Variants in AOAH observed in about 807,000 individuals in gnomAD.
AOAH encodes the protein acyloxyacyl hydrolase.
AOAH carries 64 observed loss-of-function variants against 92.2 expected under a neutral mutation model. That is an observed-to-expected ratio of 0.69 (90% CI 0.57 to 0.86). The LOEUF (loss-of-function observed/expected upper bound fraction) is 0.86, where lower values mean the gene tolerates loss of function less well. AOAH is among the 40% of genes least tolerant of loss of function. The pLI is 0.00. For missense variants in AOAH, 656 were observed against 694.6 expected (o/e 0.94, Z 0.62); for synonymous variants, 263 against 254.5 (o/e 1.03, Z -0.32).
At chr7:36,619,269 T>G (rs1583960635) in intron 9 of AOAH, among the ~76,000 whole-genome samples, 1 of 152,264 alleles carries the variant, frequency 6.6e-6, no homozygotes, top group East Asian at 1.9e-4. Context: ...GATGTTGTGG[T>G]TCTGTGAGTG....
intron 6 of AOAH, among the ~76,000 whole-genome samples, chr7:36,628,029 G>A (rs1792799290): frequency 6.6e-6 from 1 of 152,110 alleles, no homozygotes; most frequent in Non-Finnish European, 1.5e-5. Context: ...GTATGTGGGT[G>A]GATGTGTTAT....
intron 16 of AOAH, among the ~76,000 whole-genome samples, chr7:36,538,026 G>C (rs1303525123): frequency 1.4e-5 from 1 of 72,690 alleles, no homozygotes; most frequent in South Asian, 4.1e-4. Context: ...TTTTTTTTTT[G>C]GACAGAGTTT....
intron 20 of AOAH, among the ~76,000 whole-genome samples, chr7:36,521,179 G>T (rs1784089030): frequency 6.6e-6 from 1 of 152,114 alleles, no homozygotes; most frequent in African/African-American, 2.4e-5. Context: ...TGCTCCTCAG[G>T]TTTGTACCCT....
rs1799842514 is a variant in AOAH at position 36,724,347 on chromosome 7, C to T, written c.-199G>A. On this transcript the variant is annotated 5_prime_UTR_variant, in exon 1 of 21. Coordinates refer to ENST00000617537, the MANE Select transcript of AOAH (RefSeq NM_001637.4). ...AAAGCACACATAAACACTCACAGAC[C>T]CACAGCTTGCTCTTGTTGGACCCTG... 2.1e-6 allele frequency: 1 copy of T among 480,594 alleles called. No individual in the cohort carries two copies. Among genetic ancestry groups the T allele is most frequent in the Non-Finnish European group, 3.7e-6 (1 of 269,450 alleles). The allele number at this position is 480,594 out of a possible 1,614,324, so 29.8% of individuals were successfully genotyped here. A position where few individuals can be genotyped will look rare whatever the true frequency, so the allele number is the denominator to read the frequency against.
chr7:36,531,886 G>A (rs1459704136), intron 18 of AOAH, among the ~76,000 whole-genome samples: 1 of 152,024 alleles, frequency 6.6e-6, no homozygotes, highest in Non-Finnish European at 1.5e-5. Context: ...GCACAGGGGA[G>A]GGTGTGTACA....
intron 4 of AOAH, among the ~76,000 whole-genome samples, chr7:36,657,473 A>G (rs1794959048): frequency 6.6e-6 from 1 of 152,152 alleles, no homozygotes. Flanking sequence ...GTCAGTTACT[A>G]CTATTCAGGG....
intron 15 of AOAH, 95 bp from the exon 16 acceptor site, chr7:36,540,586 GCA>G (rs150931610): frequency 0.01 from 9,968 of 976,384 alleles, 2 homozygotes; most frequent in East Asian, 0.011. Flanking sequence ...ACACACATAC[GCA>G]CACACACACA....
intron 12 of AOAH, 147 bp downstream of exon 12, chr7:36,594,192 C>A: frequency 6.0e-6 from 4 of 666,800 alleles, no homozygotes; most frequent in Non-Finnish European, 5.4e-6. Flanking sequence ...TGCATTACAT[C>A]CTACTGTATG....
chr7:36,605,765 A>G (rs567003403), intron 11 of AOAH, among the ~76,000 whole-genome samples: 1 of 152,254 alleles, frequency 6.6e-6, no homozygotes, highest in South Asian at 2.1e-4. Flanking sequence ...TTGAGTAGGG[A>G]GAGAAGGGCA....
intron 1 of AOAH, among the ~76,000 whole-genome samples, chr7:36,710,590 T>C (rs190560253): frequency 1.2e-4 from 19 of 152,356 alleles, no homozygotes; most frequent in African/African-American, 3.1e-4. Flanking sequence ...GTGCAGAAAC[T>C]GTGAGGTAAT....
chr7:36,591,342 T>A (rs1789728880), intron 12 of AOAH, among the ~76,000 whole-genome samples: 1 of 152,178 alleles, frequency 6.6e-6, no homozygotes, highest in South Asian at 2.1e-4. Context: ...ACTAAGGAAG[T>A]TGCTTAAGCA....
intron 20 of AOAH, among the ~76,000 whole-genome samples, chr7:36,515,707 C>G (rs1783625096): frequency 7.5e-6 from 1 of 133,888 alleles, no homozygotes. Flanking sequence ...TCACACACCC[C>G]CCCACACACC....
chr7:36,661,599 A>G (rs1795217540), intron 3 of AOAH, among the ~76,000 whole-genome samples: 1 of 152,114 alleles, frequency 6.6e-6, no homozygotes, highest in African/African-American at 2.4e-5. Context: ...TACCTCTACA[A>G]TCACTGCAAT....
At chr7:36,669,377 CTTTTTTTTTT>C (rs33911092) in intron 3 of AOAH, among the ~76,000 whole-genome samples, 3 of 125,528 alleles carry the variant, frequency 2.4e-5, no homozygotes, top group African/African-American at 9.2e-5. Flanking sequence ...CCCCCCCCAC[CTTTTTTTTTT>C]TTTTTTTTTA....
intron 1 of AOAH, among the ~76,000 whole-genome samples, chr7:36,700,214 G>A (rs1165058374): frequency 1.3e-5 from 2 of 151,924 alleles, no homozygotes; most frequent in Non-Finnish European, 2.9e-5. Flanking sequence ...GGGTATAAGT[G>A]CAGTTTTATT....
chr7:36,518,869 G>A (rs1055093658), intron 20 of AOAH, among the ~76,000 whole-genome samples: 8 of 152,278 alleles, frequency 5.3e-5, no homozygotes, highest in African/African-American at 1.9e-4. Context: ...ACACTGGCCT[G>A]GGACCGCTGT....
chr7:36,618,467 T>G, intron 9 of AOAH, 122 bp from the exon 10 acceptor site: 1 of 847,002 alleles, frequency 1.2e-6, no homozygotes, highest in East Asian at 2.5e-5. Flanking sequence ...CCCTTTAAAG[T>G]TTCTTAAGCC....
chr7:36,628,239 T>C (rs1220659581), intron 6 of AOAH, among the ~76,000 whole-genome samples: 3 of 152,132 alleles, frequency 2.0e-5, no homozygotes, highest in Non-Finnish European at 4.4e-5. Context: ...TGTGAAATAA[T>C]ATGGGGGTTT....
chr7:36,535,917 G>A (rs149957102), intron 16 of AOAH, among the ~76,000 whole-genome samples: 48 of 152,320 alleles, frequency 3.2e-4, no homozygotes, highest in African/African-American at 1.1e-3. Context: ...CAATGTATGA[G>A]GCTTGCTGTC....
Sources: gnomAD v4.1 joint callset for allele counts (sites outside exome capture counted in the v4.1 genomes callset) on GRCh38, gnomAD v4.1.1 for gene constraint, MANE v1.5 for transcripts, NCBI Gene and HGNC (gene_info 2026-07-23, HGNC 2026-07-21) for gene names.